Variants in GAB2 observed in about 807,000 individuals in gnomAD.
GAB2 encodes GRB2 associated binding protein 2.
GAB2 carries 26 observed loss-of-function variants against 65.5 expected under a neutral mutation model. The observed-to-expected ratio is 0.40, with a 90% CI of 0.29 to 0.55. The LOEUF is 0.55. Among genes scored for constraint, GAB2 ranks in the 20% least tolerant of loss-of-function variants. The pLI is 0.53. For missense variants in GAB2, 884 were observed against 875.8 expected (o/e 1.01, Z -0.12); for synonymous variants, 321 against 329.6 (o/e 0.97, Z 0.28).
chr11:78,386,247 G>A (rs558455350), intron 1 of GAB2, among the ~76,000 whole-genome samples: 5 of 152,282 alleles, frequency 3.3e-5, no homozygotes, highest in African/African-American at 1.2e-4. Flanking sequence ...GTTTGCCCTG[G>A]GAGAAGTGCC....
intron 1 of GAB2, among the ~76,000 whole-genome samples, chr11:78,325,709 G>A (rs1338311168): frequency 2.0e-5 from 3 of 152,170 alleles, no homozygotes; most frequent in Non-Finnish European, 4.4e-5. Flanking sequence ...GGCTTTCAAA[G>A]ATCTTACATG....
intron 1 of GAB2, among the ~76,000 whole-genome samples, chr11:78,400,744 A>T (rs1591088972): frequency 1.3e-5 from 2 of 151,964 alleles, no homozygotes; most frequent in East Asian, 3.9e-4. Flanking sequence ...CTCTATTGAA[A>T]ATACAAAAAA....
chr11:78,240,017 A>AG (rs1000134357), intron 3 of GAB2, among the ~76,000 whole-genome samples: 2 of 151,750 alleles, frequency 1.3e-5, no homozygotes, highest in African/African-American at 2.4e-5. Flanking sequence ...CACCCTTCCC[A>AG]GGGGGGTCAA....
intron 1 of GAB2, among the ~76,000 whole-genome samples, chr11:78,382,643 C>G (rs4945272): frequency 6.6e-6 from 1 of 152,030 alleles, no homozygotes. Flanking sequence ...TAAGTCACCA[C>G]GCATGGAAAG....
chr11:78,252,166 C>T (rs1365828981), intron 2 of GAB2, among the ~76,000 whole-genome samples: 1 of 152,212 alleles, frequency 6.6e-6, no homozygotes, highest in African/African-American at 2.4e-5. Context: ...TAGGCAGGAT[C>T]ACCAGCTCAT....
chr11:78,290,061 C>T (rs571997477), intron 1 of GAB2, among the ~76,000 whole-genome samples: 1 of 151,922 alleles, frequency 6.6e-6, no homozygotes, highest in East Asian at 1.9e-4. Flanking sequence ...GAAATGTTAA[C>T]CAATGCTGTG....
At chr11:78,293,776 A>C (rs537280412) in intron 1 of GAB2, among the ~76,000 whole-genome samples, 32 of 152,328 alleles carry the variant, frequency 2.1e-4, no homozygotes, top group African/African-American at 7.5e-4. Flanking sequence ...ATTTCCCTGA[A>C]GTTGCAGGAA....
In GAB2 at chr11:78,217,256, T is replaced by C. The variant is rs115963544; in HGVS notation, c.*2016A>G. ...TCTCATGTCCTTGTCCTTTTTCTGA[T>C]TGTGGCTATCTTAAGTTCAGGGAGA... On this transcript the variant is annotated 3_prime_UTR_variant, in exon 10 of 10. Transcript: ENST00000361507. 0.017 allele frequency: 2,536 copies of C among 152,444 alleles called. 74 individuals carry two copies. The highest frequency in any genetic ancestry group is 0.058 in the African/African-American group (2,398 of 41,560). The allele number at this position is 152,444 out of a possible 1,614,324, so 9.4% of individuals were successfully genotyped here.
intron 3 of GAB2, among the ~76,000 whole-genome samples, chr11:78,237,926 A>G (rs540384568): frequency 3.2e-4 from 49 of 152,336 alleles, no homozygotes; most frequent in Non-Finnish European, 1.0e-4. Flanking sequence ...CTAATGCAGG[A>G]ACAGAAAACC....
intron 2 of GAB2, among the ~76,000 whole-genome samples, chr11:78,264,913 T>C (rs1460074568): frequency 2.0e-5 from 3 of 152,228 alleles, no homozygotes; most frequent in African/African-American, 7.2e-5. Flanking sequence ...CAAAGGGCTG[T>C]TGTGAAGATC....
intron 2 of GAB2, among the ~76,000 whole-genome samples, chr11:78,271,966 G>A (rs1212464072): frequency 2.6e-5 from 4 of 152,206 alleles, no homozygotes; most frequent in Non-Finnish European, 5.9e-5. Context: ...TTAAAAAGAG[G>A]AGTTCCCCTG....
At chr11:78,405,350 C>T (rs1390675207) in intron 1 of GAB2, among the ~76,000 whole-genome samples, 4 of 152,044 alleles carry the variant, frequency 2.6e-5, no homozygotes, top group East Asian at 1.9e-4. Context: ...CTACCTGCCT[C>T]GGCCTCCCAA....
intron 1 of GAB2, among the ~76,000 whole-genome samples, chr11:78,306,750 T>A (rs1855370174): frequency 6.6e-6 from 1 of 152,102 alleles, no homozygotes; most frequent in Non-Finnish European, 1.5e-5. Context: ...TAAACAGGAT[T>A]TAGATTCTGA....
intron 1 of GAB2, among the ~76,000 whole-genome samples, chr11:78,296,257 C>A (rs1417013609): frequency 2.6e-5 from 4 of 152,176 alleles, no homozygotes; most frequent in Admixed American, 2.6e-4. Flanking sequence ...GGCTGGGGAC[C>A]CCTGCTCTAG....
At chr11:78,263,931 A>T (rs1865804128) in intron 2 of GAB2, among the ~76,000 whole-genome samples, 1 of 148,310 alleles carries the variant, frequency 6.7e-6, no homozygotes, top group South Asian at 2.1e-4. Flanking sequence ...AAAACATCTC[A>T]TTGGGGGAGC....
chr11:78,416,702 T>C (rs1857200815), intron 1 of GAB2, among the ~76,000 whole-genome samples: 1 of 151,418 alleles, frequency 6.6e-6, no homozygotes, highest in Non-Finnish European at 1.5e-5. Flanking sequence ...CCCAAGACCA[T>C]TTCGGCCAAA....
intron 3 of GAB2, among the ~76,000 whole-genome samples, chr11:78,238,202 G>GAAAAAA (rs1865034333): frequency 4.7e-5 from 1 of 21,358 alleles, no homozygotes; most frequent in Non-Finnish European, 1.0e-4. Flanking sequence ...GTTGAGGGAA[G>GAAAAAA]AAACAAAAAA....
intron 1 of GAB2, among the ~76,000 whole-genome samples, chr11:78,344,870 G>T (rs1467530199): frequency 6.6e-6 from 1 of 152,188 alleles, no homozygotes; most frequent in Non-Finnish European, 1.5e-5. Flanking sequence ...AAGACAAAGG[G>T]TCTAATGTCT....
intron 1 of GAB2, among the ~76,000 whole-genome samples, chr11:78,343,432 GGAGGGA>G (rs1314825182): frequency 2.0e-5 from 3 of 151,162 alleles, no homozygotes; most frequent in African/African-American, 7.3e-5. Context: ...GGAGACAGAA[GGAGGGA>G]GAGGGAGAAG....
Sources: allele counts gnomAD v4.1 joint callset (sites outside exome capture counted in the v4.1 genomes callset), GRCh38; gene constraint gnomAD v4.1.1; transcripts MANE v1.5; gene names NCBI Gene and HGNC (gene_info 2026-07-23, HGNC 2026-07-21).